The following ZNF470 variants were observed in gnomAD, a reference collection of about 807,000 sequenced individuals.
ZNF470 encodes the protein chondrogenesis zinc finger protein 1.
Under a neutral mutation model 13.9 loss-of-function variants are expected in ZNF470, and 13 were observed. The ratio of observed to expected loss-of-function variants is 0.94; its 90% confidence interval spans 0.61 to 1.49. The LOEUF is 1.49. Among genes scored for constraint, ZNF470 ranks in the 40% most tolerant of loss-of-function variants. The pLI is 0.00. For missense variants in ZNF470, 929 were observed against 857.3 expected (o/e 1.08, Z -1.04); for synonymous variants, 293 against 282.9 (o/e 1.04, Z -0.36).
Position 56,580,847 on chromosome 19 carries a change from G to A in ZNF470, c.*2264G>A. 1 of 985,286 alleles carries A rather than the reference G, an allele frequency of 1.0e-6. No homozygotes were observed. The highest frequency in any genetic ancestry group is 1.2e-6 in the Non-Finnish European group (1 of 829,854). The allele number at this position is 985,286 out of a possible 1,614,324, so 61.0% of individuals were successfully genotyped here. ...ATGATAAAAAGGATTTTTCATTGTA[G>A]TGGGGAAAAGGTGGTTTGATCAAAT... On this transcript the variant is annotated 3_prime_UTR_variant, in exon 6 of 6. Transcript: ENST00000330619.
Position 56,579,087 on chromosome 19 carries a change from C to G in ZNF470, c.*504C>G, listed in dbSNP as rs370939139. On this transcript the variant is annotated 3_prime_UTR_variant, in exon 6 of 6. Coordinates refer to ENST00000330619, the MANE Select transcript of ZNF470 (RefSeq NM_001001668.4). ...TGTGACATTGTTGATGAGCAACTCTCACTTTACCTGACACTGAGAAGTGAG... is the reference window on the plus strand; with the variant it reads ...TGTGACATTGTTGATGAGCAACTCTGACTTTACCTGACACTGAGAAGTGAG... 7.2e-5 allele frequency: 71 copies of G among 985,644 alleles called. 1 individual carries two copies. The East Asian group carries it at 2.6e-3, about 36-fold the overall frequency. The allele number at this position is 985,644 out of a possible 1,614,324, so 61.1% of individuals were successfully genotyped here.
chr19:56,574,710 G>A lies in ZNF470; in HGVS notation c.260G>A (p.Gly87Glu), dbSNP rs1203904879. Residue 87 changes from glycine to glutamate, a missense_variant, in exon 5 of 6, where the codon GGG becomes GAG. Gly to Glu is a moderately conservative substitution (Grantham distance 98). Transcript: ENST00000330619. ...QEKDPWVIKG[G>E]MNRGLCPDLE... Reference sequence around the variant, plus strand: ...AAAGACCCTTGGGTGATAAAAGGAGGGATGAACAGAGGCCTGTGCCCAGGT... The same window carrying A: ...AAAGACCCTTGGGTGATAAAAGGAGAGATGAACAGAGGCCTGTGCCCAGGT... The A allele has an allele frequency of 2.4e-5, 39 of 1,613,598 alleles. No individual in the cohort carries two copies. Among genetic ancestry groups the A allele is most frequent in the Non-Finnish European group, 3.2e-5 (38 of 1,179,752 alleles).
chr19:56,582,581 A>C lies in ZNF470; in HGVS notation c.*3998A>C, dbSNP rs572836407. ...CAAATGCTGGCCTCTACCACCACCA[A>C]ATTTACTTGTTGAAGTCCTAAACCC... On this transcript the variant is annotated 3_prime_UTR_variant, in exon 6 of 6. Transcript: ENST00000330619. 1 of 985,194 alleles carries C rather than the reference A, an allele frequency of 1.0e-6. No individual in the cohort carries two copies. The highest frequency in any genetic ancestry group is 1.2e-6 in the Non-Finnish European group (1 of 829,866). The allele number at this position is 985,194 out of a possible 1,614,324, so 61.0% of individuals were successfully genotyped here. A position where few individuals can be genotyped will look rare whatever the true frequency, so the allele number is the denominator to read the frequency against.
Position 56,579,603 on chromosome 19 carries a change from A to G in ZNF470, c.*1020A>G, listed in dbSNP as rs964603052. ...CACAGACAATTCGTGTGGTATTTAA[A>G]TTGTTCTAGCATAAAATAAAATGCA... On this transcript the variant is annotated 3_prime_UTR_variant, in exon 6 of 6. Transcript: ENST00000330619. 8.1e-6 allele frequency: 8 copies of G among 985,450 alleles called. No homozygotes were observed. In the South Asian group the frequency reaches 3.3e-4, roughly 40 times the overall value. 61.0% of individuals were successfully genotyped at this position (985,450 alleles called of 1,614,324 possible). A position where few individuals can be genotyped will look rare whatever the true frequency, so the allele number is the denominator to read the frequency against.
chr19:56,575,775 A>G (rs1249413097), intron 5 of ZNF470, among the ~76,000 whole-genome samples: 1 of 152,066 alleles, frequency 6.6e-6, no homozygotes, highest in Non-Finnish European at 1.5e-5. Flanking sequence ...ACCTGGCCCT[A>G]CTTTCAGTTC....
At chr19:56,575,595 C>T (rs543646855) in intron 5 of ZNF470, among the ~76,000 whole-genome samples, 35 of 151,690 alleles carry the variant, frequency 2.3e-4, no homozygotes, top group Non-Finnish European at 4.7e-4. Context: ...TGGCCTGAAG[C>T]GTAGACTTTT....
At position 56,567,962 on chromosome 19, in the gene ZNF470, G is replaced by A. The variant is rs911449595; in HGVS notation, c.-235G>A. The A allele has an allele frequency of 4.1e-6, 4 of 985,620 alleles. No individual in the cohort carries two copies. In the African/African-American group the frequency reaches 7.0e-5, roughly 17 times the overall value. 61.1% of individuals were successfully genotyped at this position (985,620 alleles called of 1,614,324 possible). On this transcript the variant is annotated 5_prime_UTR_variant, in exon 1 of 6. Transcript: ENST00000330619. Reference sequence around the variant, plus strand: ...AAGCATTTCCTGTCAGCCCTATCTGGAAGGGGCAGAGCCCAGGACAGGGCT... The same window carrying A: ...AAGCATTTCCTGTCAGCCCTATCTGAAAGGGGCAGAGCCCAGGACAGGGCT...
Sources: gnomAD v4.1 joint callset for allele counts (sites outside exome capture counted in the v4.1 genomes callset) on GRCh38, gnomAD v4.1.1 for gene constraint, MANE v1.5 for transcripts, NCBI Gene and HGNC (gene_info 2026-07-23, HGNC 2026-07-21) for gene names.